MYO9B: variants seen among roughly 807,000 people sequenced by gnomAD.
MYO9B encodes unconventional myosin-IXb.
Under a neutral mutation model 229.5 loss-of-function variants are expected in MYO9B, and 71 were observed. That is an observed-to-expected ratio of 0.31 (90% CI 0.26 to 0.38). MYO9B has a LOEUF of 0.38. MYO9B is among the 10% of genes least tolerant of loss of function. The pLI, the probability that MYO9B is intolerant of heterozygous loss-of-function variation, is 1.00. For missense variants in MYO9B, 2,255 were observed against 2,920.5 expected, an observed-to-expected ratio of 0.77 and a Z score of 5.25; for synonymous variants, 1,185 against 1,235.8, an observed-to-expected ratio of 0.96 and a Z score of 0.86.
Position 17,102,080 on chromosome 19 carries a change from G to T in MYO9B, c.363G>T (p.Val121=), listed in dbSNP as rs770059979. Residue 121 remains valine, a synonymous_variant, in exon 2 of 40, where the codon GTG becomes GTT. Transcript: ENST00000682292. ...ACGCAGATGGAACCATCAAGTACGT[G>T]CATATGCAGCTGGTGGCGCAGGCCA... ...ERNADGTIKY[V]HMQLVAQATA... The T allele has an allele frequency of 6.2e-7, 1 of 1,612,830 alleles. No homozygotes were observed. Among genetic ancestry groups the T allele is most frequent in the Non-Finnish European group, 8.5e-7 (1 of 1,179,890 alleles).
intron 36 of MYO9B, 42 bp downstream of exon 36, chr19:17,209,751 G>C (rs1258002896): frequency 6.2e-7 from 1 of 1,607,882 alleles, no homozygotes; most frequent in South Asian, 1.1e-5. Flanking sequence ...CTTTGGTGGG[G>C]CGGAGCCTGG....
intron 10 of MYO9B, 130 bp downstream of exon 10, chr19:17,163,252 T>C (rs748937138): frequency 4.9e-5 from 50 of 1,014,182 alleles, no homozygotes; most frequent in Non-Finnish European, 5.8e-5. Context: ...CGCATTGTTA[T>C]GCAAACGCCA....
At chr19:17,114,079 G>T (rs1354018328) in intron 2 of MYO9B, among the ~76,000 whole-genome samples, 5 of 152,066 alleles carry the variant, frequency 3.3e-5, no homozygotes, top group Non-Finnish European at 7.4e-5. Flanking sequence ...CCCGCCCCTA[G>T]TCCCGACAAC....
intron 2 of MYO9B, among the ~76,000 whole-genome samples, chr19:17,126,084 T>C (rs950986196): frequency 2.6e-5 from 4 of 152,178 alleles, no homozygotes; most frequent in Non-Finnish European, 5.9e-5. Context: ...ATCCCCGACA[T>C]GGCCCCCACT....
chr19:17,144,356 G>A (rs1452281421), intron 2 of MYO9B, among the ~76,000 whole-genome samples: 1 of 152,062 alleles, frequency 6.6e-6, no homozygotes, highest in African/African-American at 2.4e-5. Context: ...TGTAATTCCA[G>A]CACTTTGGGA....
intron 2 of MYO9B, among the ~76,000 whole-genome samples, chr19:17,121,005 T>C (rs2057958339): frequency 6.6e-6 from 1 of 152,112 alleles, no homozygotes; most frequent in Admixed American, 6.5e-5. Context: ...TGCAATGGTG[T>C]GATCTCAACT....
At chr19:17,125,268 A>G (rs2058004386) in intron 2 of MYO9B, among the ~76,000 whole-genome samples, 2 of 150,556 alleles carry the variant, frequency 1.3e-5, no homozygotes, top group Non-Finnish European at 1.5e-5. Flanking sequence ...GCCACTGCAC[A>G]CTAGCCTGGG....
chr19:17,134,037 A>T (rs1189571176), intron 2 of MYO9B, among the ~76,000 whole-genome samples: 1 of 152,106 alleles, frequency 6.6e-6, no homozygotes, highest in Non-Finnish European at 1.5e-5. Context: ...CTGGGATTAC[A>T]GGCGTGAGCC....
rs757065020 is a variant in MYO9B, at chr19:17,195,041, T to C, written c.3614T>C (p.Val1205Ala). The change falls in exon 22 of 40, where the codon GTC (valine) becomes GCC (alanine). Residue 1205 changes from valine to alanine, a missense_variant. Coordinates refer to ENST00000682292, the MANE Select transcript of MYO9B (RefSeq NM_004145.4). The surrounding 1 kb of genome is among the most constrained non-coding windows in gnomAD (Gnocchi z 4.5). ...AGCAGAGAAGATGAAACCCTTCTAGTCGTAGAGACGGAGGCTGAGAACACA... is the reference window on the plus strand; with the variant it reads ...AGCAGAGAAGATGAAACCCTTCTAGCCGTAGAGACGGAGGCTGAGAACACA... ...KESREDETLL[V>A]VETEAENTSQ... The C allele has an allele frequency of 1.2e-6, 2 of 1,612,788 alleles. No homozygotes were observed. Among genetic ancestry groups the C allele is most frequent in the African/African-American group, 2.7e-5 (2 of 74,848 alleles).
chr19:17,211,926 C>T lies in MYO9B; in HGVS notation c.6090C>T (p.Gly2030=), dbSNP rs536114649. 540 of 1,569,910 alleles carry T rather than the reference C, an allele frequency of 3.4e-4. 8 individuals carry two copies. In the South Asian group the frequency reaches 4.5e-3, roughly 13 times the overall value. Residue 2030 remains glycine (G), a synonymous_variant, in exon 40 of 40, where the codon GGC becomes GGT. Transcript: ENST00000682292. ...GPPAPALPCP[G]APTPSPLPTV... is the part of the protein sequence containing the mutation. ...CTGCGCCTGCTCTCCCTTGCCCCGG[C>T]GCGCCCACCCCGAGCCCCCTCCCCA...
Position 17,154,433 on chromosome 19 carries a change from C to T in MYO9B, c.1199+18C>T, listed in dbSNP as rs776012174. On this transcript the variant is annotated intron_variant, in intron 6 of 39. Transcript: ENST00000682292. ...AAGAAGCAGTAAGTGTGCGGGCTCC[C>T]GGGGCCTGTCCCCCAGAGCCTACAG... is the stretch of plus-strand genomic sequence containing the variant. 33 of 1,593,280 alleles carry T rather than the reference C, an allele frequency of 2.1e-5. No individual in the cohort carries two copies. Among genetic ancestry groups the T allele is most frequent in the African/African-American group, 2.7e-5 (2 of 74,236 alleles).
chr19:17,101,775 C>G lies in MYO9B; in HGVS notation c.58C>G (p.His20Asp). ...CCGGGAGCAGGCGGCCTACCACCTG[C>G]ACATCTACCCCCAGCTGTCCACCAC... The part of the protein sequence containing the change: ...GRREQAAYHL[H>D]IYPQLSTTES... Residue 20 changes from histidine (H) to aspartate (D), a missense_variant, in exon 2 of 40, where the codon CAC becomes GAC. Physicochemically the swap from His to Asp is moderately conservative, Grantham distance 81. Around this residue, in one of 7 missense-constraint regions of MYO9B, gnomAD observed 386 missense variants for 515.2 expected, o/e 0.75. Coordinates refer to ENST00000682292, the MANE Select transcript of MYO9B (RefSeq NM_004145.4). This position sits in a 1 kb window ranked among gnomAD's most constrained non-coding sequence, Gnocchi z 4.7. 6.2e-7 allele frequency: 1 copy of G among 1,601,904 alleles called. No homozygotes were observed. The highest frequency in any genetic ancestry group is 2.2e-5 in the East Asian group (1 of 44,578).
intron 26 of MYO9B, among the ~76,000 whole-genome samples, chr19:17,201,552 A>C (rs907600630): frequency 4.6e-5 from 7 of 152,100 alleles, no homozygotes; most frequent in Non-Finnish European, 7.4e-5. Flanking sequence ...AAGGGCCTGA[A>C]CTGACCTGTA....
At chr19:17,098,206 C>G (rs2057711483) in intron 1 of MYO9B, among the ~76,000 whole-genome samples, 3 of 152,172 alleles carry the variant, frequency 2.0e-5, no homozygotes, top group Non-Finnish European at 4.4e-5. Flanking sequence ...AGGCACCCAC[C>G]ACCGTGCCCG....
chr19:17,110,044 C>T lies in MYO9B; in HGVS notation c.840+7487C>T, dbSNP rs935716222. 7.2e-5 allele frequency among the ~76,000 whole-genome samples: 11 copies of T among 152,266 alleles called. No individual in the cohort carries two copies. In the South Asian group the frequency reaches 1.2e-3, roughly 17 times the overall value. On this transcript the variant is annotated intron_variant, in intron 2 of 39. Coordinates refer to ENST00000682292, the MANE Select transcript of MYO9B (RefSeq NM_004145.4). ...CCCGTTCAGGCTGCCTCTCTGCTCT[C>T]CCCTCTCTCGCCCGGGCTGCAGAAA...
intron 2 of MYO9B, among the ~76,000 whole-genome samples, chr19:17,137,001 G>A (rs2072278433): frequency 1.3e-5 from 2 of 152,102 alleles, no homozygotes; most frequent in African/African-American, 4.8e-5. Flanking sequence ...AAGCCGAGGC[G>A]GGCAGATCAC....
In MYO9B at chr19:17,134,215, C is replaced by A. The variant is rs1250435096; in HGVS notation, c.841-11182C>A. On this transcript the variant is annotated intron_variant, in intron 2 of 39. Coordinates refer to ENST00000682292, the MANE Select transcript of MYO9B (RefSeq NM_004145.4). The stretch of plus-strand genomic sequence containing the variant: ...AATAGGTAACTTTTCAACCCTCACT[C>A]CCTTCCTCCCCTTTCCCACTATGAG... Among the ~76,000 whole-genome samples the A allele has an allele frequency of 2.0e-5, 3 of 151,958 alleles. No individual in the cohort carries two copies. The East Asian group carries it at 5.8e-4, about 29-fold the overall frequency.
intron 21 of MYO9B, among the ~76,000 whole-genome samples, chr19:17,194,285 C>T (rs1022705130): frequency 6.6e-6 from 1 of 152,178 alleles, no homozygotes; most frequent in African/African-American, 2.4e-5. Context: ...TTAATAGAAC[C>T]CACCCACCAC....
At chr19:17,118,656 A>AT (rs2057931483) in intron 2 of MYO9B, among the ~76,000 whole-genome samples, 2 of 151,578 alleles carry the variant, frequency 1.3e-5, no homozygotes, top group African/African-American at 2.4e-5. Context: ...TGATTTTTGT[A>AT]TTTTTTGGTA....
Sources: allele counts gnomAD v4.1 joint callset (sites outside exome capture counted in the v4.1 genomes callset), GRCh38; gene constraint gnomAD v4.1.1; regional missense constraint gnomAD v4.1.1; non-coding constraint Gnocchi (gnomAD v3.1); transcripts MANE v1.5; gene names NCBI Gene and HGNC (gene_info 2026-07-23, HGNC 2026-07-21).